IL23R: variants seen among roughly 807,000 people sequenced by gnomAD.
The protein encoded by IL23R is interleukin 23 receptor, also known as interleukin-23 receptor.
IL23R carries 34 observed loss-of-function variants against 56.9 expected under a neutral mutation model. The observed-to-expected ratio is 0.60, with a 90% CI of 0.45 to 0.80. The LOEUF (loss-of-function observed/expected upper bound fraction) is 0.80, where lower values mean the gene tolerates loss of function less well. Among genes scored for constraint, IL23R ranks in the 30% least tolerant of loss-of-function variants. The pLI, the probability that IL23R is intolerant of heterozygous loss-of-function variation, is 0.00. For missense variants in IL23R, 635 were observed against 730.0 expected, an observed-to-expected ratio of 0.87 and a Z score of 1.50; for synonymous variants, 230 against 249.2, an observed-to-expected ratio of 0.92 and a Z score of 0.73.
chr1:67,139,157 A>G (rs1419655246), exon 1 of IL23R: 1 of 152,204 alleles, frequency 6.6e-6, no homozygotes, highest in Admixed American at 6.5e-5. Flanking sequence ...AGCTAACATG[A>G]TCCAGTAAGT....
downstream of IL23R, among the ~76,000 whole-genome samples, chr1:67,261,579 A>G (rs947742051): frequency 6.6e-6 from 1 of 152,106 alleles, no homozygotes; most frequent in African/African-American, 2.4e-5. Flanking sequence ...AATCTTAAAT[A>G]CCTTGACTTG....
intron 1 of IL23R, among the ~76,000 whole-genome samples, chr1:67,167,072 C>G (rs547495706): frequency 6.6e-6 from 1 of 152,278 alleles, no homozygotes; most frequent in Admixed American, 6.5e-5. Context: ...GTGTTCCTTT[C>G]GCGTTCTCTA....
chr1:67,149,729 T>G (rs79869952), intron 1 of IL23R, among the ~76,000 whole-genome samples: 1,542 of 152,304 alleles, frequency 0.01, 34 homozygotes, highest in African/African-American at 0.036. Flanking sequence ...ATAATTTGAC[T>G]AAAATTAAAT....
chr1:67,202,580 T>A (rs550848230), intron 5 of IL23R, among the ~76,000 whole-genome samples: 24 of 152,184 alleles, frequency 1.6e-4, no homozygotes, highest in Middle Eastern at 3.4e-3. Context: ...CAACCCTATT[T>A]TGTAGATGAG....
chr1:67,187,525 AT>A (rs1647425874), intron 4 of IL23R, among the ~76,000 whole-genome samples: 1 of 152,184 alleles, frequency 6.6e-6, no homozygotes, highest in Non-Finnish European at 1.5e-5. Context: ...GTATGTTTAC[AT>A]TTATTTACAC....
chr1:67,214,003 G>A (rs1447924538), intron 6 of IL23R, among the ~76,000 whole-genome samples: 6 of 152,168 alleles, frequency 3.9e-5, no homozygotes, highest in African/African-American at 1.2e-4. Flanking sequence ...AAGGCTCAGA[G>A]ATAGCAAGAA....
At chr1:67,258,214 T>G (rs1653056071) in intron 10 of IL23R, among the ~76,000 whole-genome samples, 1 of 152,182 alleles carries the variant, frequency 6.6e-6, no homozygotes, top group South Asian at 2.1e-4. Flanking sequence ...TCTTTAAAAC[T>G]TTTAAACCAA....
At chr1:67,262,850 G>A (rs1419109501), downstream of IL23R, among the ~76,000 whole-genome samples, 1 of 152,150 alleles carries the variant, frequency 6.6e-6, no homozygotes, top group Non-Finnish European at 1.5e-5. Context: ...GAGGGAGGAA[G>A]GGAAGAGAAA....
the IL23R span, among the ~76,000 whole-genome samples, chr1:67,265,077 C>T: frequency 6.6e-6 from 1 of 152,104 alleles, no homozygotes; most frequent in Non-Finnish European, 1.5e-5. Context: ...TGTCAGAGCA[C>T]AGGAAGGAAA....
chr1:67,249,962 A>T lies in IL23R; in HGVS notation c.1149-5875A>T, dbSNP rs549902559. ...TAGAAAAACTTAGCAATACCCCTTT[A>T]TCTTTAGCCAATGTCCACACAGAAT... On this transcript the variant is annotated intron_variant, in intron 9 of 10. Transcript: ENST00000347310. Among the ~76,000 whole-genome samples, 16 of 152,314 alleles carry T rather than the reference A, an allele frequency of 1.1e-4. No homozygotes were observed. The South Asian group carries it at 1.2e-3, about 12-fold the overall frequency.
At chr1:67,189,756 G>A (rs967732627) in intron 4 of IL23R, among the ~76,000 whole-genome samples, 1 of 152,044 alleles carries the variant, frequency 6.6e-6, no homozygotes, top group Non-Finnish European at 1.5e-5. Context: ...ACCAACCTGG[G>A]CAACATGGCG....
downstream of IL23R, among the ~76,000 whole-genome samples, chr1:67,260,168 G>A (rs1244392919): frequency 6.6e-6 from 1 of 151,866 alleles, no homozygotes; most frequent in East Asian, 1.9e-4. Flanking sequence ...CAGGTATTAG[G>A]GATTTGATCT....
chr1:67,195,085 G>C (rs967646510), intron 4 of IL23R, among the ~76,000 whole-genome samples: 1 of 152,040 alleles, frequency 6.6e-6, no homozygotes, highest in Non-Finnish European at 1.5e-5. Flanking sequence ...TGTCATCCAG[G>C]CTGGAGTGCA....
chr1:67,251,052 G>A (rs949466410), intron 9 of IL23R, among the ~76,000 whole-genome samples: 2 of 152,014 alleles, frequency 1.3e-5, no homozygotes, highest in Non-Finnish European at 2.9e-5. Flanking sequence ...GTTATCTTAG[G>A]GCCTCTCATG....
At chr1:67,253,932 A>G (rs1158262360) in intron 9 of IL23R, among the ~76,000 whole-genome samples, 1 of 152,174 alleles carries the variant, frequency 6.6e-6, no homozygotes, top group African/African-American at 2.4e-5. Flanking sequence ...AAAAAGATAA[A>G]ACAAGACATA....
At chr1:67,219,541 C>A in intron 6 of IL23R, 33 bp from the exon 7 acceptor site, 1 of 1,601,236 alleles carries the variant, frequency 6.2e-7, no homozygotes, top group Admixed American at 1.7e-5. Context: ...TAAAAGCACA[C>A]CACATTTTAT....
At chr1:67,218,271 C>CAT (rs1011598645) in intron 6 of IL23R, among the ~76,000 whole-genome samples, 1,477 of 52,224 alleles carry the variant, frequency 0.028, 28 homozygotes, top group African/African-American at 0.15. Flanking sequence ...GACACATACA[C>CAT]ATATATATAT....
At chr1:67,148,413 C>T (rs1273876339) in intron 1 of IL23R, among the ~76,000 whole-genome samples, 1 of 152,264 alleles carries the variant, frequency 6.6e-6, no homozygotes, top group Non-Finnish European at 1.5e-5. Context: ...ATCATTGTCC[C>T]TCCCGCTATG....
downstream of IL23R, among the ~76,000 whole-genome samples, chr1:67,263,656 A>C (rs2100406353): frequency 6.6e-6 from 1 of 152,296 alleles, no homozygotes; most frequent in South Asian, 2.1e-4. Flanking sequence ...CACGCCTGTA[A>C]TTTCAACACT....
Sources: gnomAD v4.1 joint callset for allele counts (sites outside exome capture counted in the v4.1 genomes callset) on GRCh38, gnomAD v4.1.1 for gene constraint, MANE v1.5 for transcripts, NCBI Gene and HGNC (gene_info 2026-07-23, HGNC 2026-07-21) for gene names.